Variants in DPP10 observed in about 807,000 individuals in gnomAD.
DPP10 encodes the protein inactive dipeptidyl peptidase 10.
Under a neutral mutation model 120.9 loss-of-function variants are expected in DPP10, and 33 were observed. That is an observed-to-expected ratio of 0.27 (90% CI 0.21 to 0.37). The LOEUF (loss-of-function observed/expected upper bound fraction) is 0.37. Ranked by LOEUF, DPP10 falls within the 10% of genes least tolerant of loss-of-function variation. DPP10 has a pLI of 1.00. For missense variants in DPP10, 816 were observed against 942.8 expected (o/e 0.87, Z 1.76); for synonymous variants, 337 against 326.1 (o/e 1.03, Z -0.36).
At chr2:114,485,153 A>G (rs1484043829) in intron 1 of DPP10, among the ~76,000 whole-genome samples, 1 of 152,154 alleles carries the variant, frequency 6.6e-6, no homozygotes, top group Non-Finnish European at 1.5e-5. Flanking sequence ...TTGGAATTAT[A>G]ACTTGAATCC....
chr2:114,977,488 A>G (rs1407646331), intron 1 of DPP10, among the ~76,000 whole-genome samples: 1 of 152,192 alleles, frequency 6.6e-6, no homozygotes, highest in East Asian at 1.9e-4. Flanking sequence ...TATCTTGGAT[A>G]AAGCTGAGAC....
At chr2:115,065,641 T>G (rs1251007351) in intron 1 of DPP10, 1 of 152,068 alleles carries the variant, frequency 6.6e-6, no homozygotes, top group Non-Finnish European at 1.5e-5. Flanking sequence ...GTGTGTGTAG[T>G]GTGTATGTAG....
intron 5 of DPP10, among the ~76,000 whole-genome samples, chr2:115,624,681 T>C (rs2085222969): frequency 6.6e-6 from 1 of 152,142 alleles, no homozygotes; most frequent in African/African-American, 2.4e-5. Context: ...AAGCACCGAG[T>C]AGATGGTTGG....
intron 5 of DPP10, among the ~76,000 whole-genome samples, chr2:115,685,396 A>G (rs2090931762): frequency 6.6e-6 from 1 of 152,004 alleles, no homozygotes; most frequent in African/African-American, 2.4e-5. Context: ...TATAATATGC[A>G]GTCCTAATTG....
intron 1 of DPP10, among the ~76,000 whole-genome samples, chr2:114,732,296 G>A (rs944809654): frequency 6.6e-5 from 10 of 152,198 alleles, no homozygotes; most frequent in African/African-American, 2.4e-4. Context: ...GTCATATGGA[G>A]CATGCAAAGA....
intron 2 of DPP10, among the ~76,000 whole-genome samples, chr2:115,318,873 C>T (rs968219556): frequency 2.0e-5 from 3 of 152,038 alleles, no homozygotes; most frequent in Non-Finnish European, 4.4e-5. Flanking sequence ...GATAGTTTTA[C>T]TTCTTCATGT....
chr2:114,984,295 A>G (rs777576390), intron 1 of DPP10, among the ~76,000 whole-genome samples: 18 of 152,204 alleles, frequency 1.2e-4, no homozygotes, highest in Non-Finnish European at 2.2e-4. Context: ...TTTCACTGGA[A>G]TATGAACCCT....
At chr2:115,545,082 A>C (rs1270625687) in intron 5 of DPP10, among the ~76,000 whole-genome samples, 1 of 152,078 alleles carries the variant, frequency 6.6e-6, no homozygotes, top group East Asian at 1.9e-4. Context: ...TGACAAAAAA[A>C]TCTAGGCAGC....
At position 114,738,068 on chromosome 2, in the gene DPP10, A is replaced by G. The variant is rs555681628; in HGVS notation, c.60+295230A>G. Reference sequence around the variant, plus strand: ...AGTCTTCACATGGCCAGAGCAGGAGAGATAAAAAGAGAAGAGGGGAGTGCT... The same window carrying G: ...AGTCTTCACATGGCCAGAGCAGGAGGGATAAAAAGAGAAGAGGGGAGTGCT... On this transcript the variant is annotated intron_variant, in intron 1 of 25. Transcript: ENST00000410059. Among the ~76,000 whole-genome samples the G allele has an allele frequency of 2.6e-5, 4 of 152,230 alleles. No homozygotes were observed. In the South Asian group the frequency reaches 8.3e-4, roughly 32 times the overall value.
chr2:115,113,900 A>T (rs2049362794), intron 1 of DPP10, among the ~76,000 whole-genome samples: 1 of 152,170 alleles, frequency 6.6e-6, no homozygotes, highest in African/African-American at 2.4e-5. Context: ...ATACACATTG[A>T]GTCATTCTTG....
chr2:115,674,207 A>G (rs368758787), intron 5 of DPP10, among the ~76,000 whole-genome samples: 1 of 152,006 alleles, frequency 6.6e-6, no homozygotes, highest in Non-Finnish European at 1.5e-5. Flanking sequence ...TCTGGGCAAC[A>G]AGAACAAAAC....
intron 5 of DPP10, among the ~76,000 whole-genome samples, chr2:115,596,138 T>C (rs1023237495): frequency 3.9e-5 from 6 of 152,146 alleles, no homozygotes; most frequent in Non-Finnish European, 5.9e-5. Flanking sequence ...CTAATAGTTG[T>C]AAAACAGGCA....
intron 15 of DPP10, 38 bp from the exon 16 acceptor site, chr2:115,780,836 G>A (rs1478094643): frequency 6.3e-7 from 1 of 1,581,322 alleles, no homozygotes; most frequent in Non-Finnish European, 8.6e-7. Context: ...GCCTAGAATA[G>A]TAGCATTTCT....
At chr2:115,045,294 A>G (rs1000741177) in intron 1 of DPP10, among the ~76,000 whole-genome samples, 2 of 152,116 alleles carry the variant, frequency 1.3e-5, no homozygotes, top group African/African-American at 4.8e-5. Flanking sequence ...GCTGCCAGAT[A>G]TATTGGAATG....
intron 1 of DPP10, chr2:115,161,829 C>A: frequency 2.4e-6 from 2 of 843,194 alleles, no homozygotes; most frequent in Non-Finnish European, 3.2e-6. Flanking sequence ...CCCCTCCGCT[C>A]CCCCCACCCC....
At chr2:115,675,662 C>T (rs1008747651) in intron 5 of DPP10, among the ~76,000 whole-genome samples, 1 of 152,176 alleles carries the variant, frequency 6.6e-6, no homozygotes, top group South Asian at 2.1e-4. Flanking sequence ...ACCTGCAATT[C>T]TAGCTATAGT....
At chr2:114,584,144 C>T (rs1391651200) in intron 1 of DPP10, among the ~76,000 whole-genome samples, 2 of 152,138 alleles carry the variant, frequency 1.3e-5, no homozygotes, top group African/African-American at 4.8e-5. Context: ...GTATTCTGAG[C>T]ATGCATTTTA....
intron 1 of DPP10, among the ~76,000 whole-genome samples, chr2:115,238,992 C>A (rs1303548768): frequency 1.3e-5 from 2 of 152,136 alleles, no homozygotes; most frequent in Non-Finnish European, 2.9e-5. Flanking sequence ...GCATCCAACA[C>A]AGGAGAAAGA....
At position 114,687,339 on chromosome 2, in the gene DPP10, T is replaced by C. The variant is rs142539408; in HGVS notation, c.60+244501T>C. Among the ~76,000 whole-genome samples, 1,207 of 152,098 alleles carry C rather than the reference T, an allele frequency of 7.9e-3. 15 individuals are homozygous for C. Among genetic ancestry groups the C allele is most frequent in the African/African-American group, 0.027 (1,136 of 41,534 alleles). ...GTGCTTCTCTAGTGTAGTCACAAGG[T>C]GCTAACAGTTACTTTAGAAGTTAGC... On this transcript the variant is annotated intron_variant, in intron 1 of 25. Coordinates refer to ENST00000410059, the MANE Select transcript of DPP10 (RefSeq NM_020868.6).
Sources: gnomAD v4.1 joint callset for allele counts (sites outside exome capture counted in the v4.1 genomes callset) on GRCh38, gnomAD v4.1.1 for gene constraint, MANE v1.5 for transcripts, NCBI Gene and HGNC (gene_info 2026-07-23, HGNC 2026-07-21) for gene names.